Variants in AHCTF1 observed in about 807,000 individuals in gnomAD.
AHCTF1 encodes protein ELYS.
A neutral mutation model predicts 248.4 loss-of-function variants in AHCTF1; 24 were observed. The observed-to-expected ratio is 0.10, with a 90% confidence interval of 0.07 to 0.14. The LOEUF is 0.14. Ranked by LOEUF, AHCTF1 falls within the 10% of genes least tolerant of loss-of-function variation. AHCTF1 has a pLI of 1.00. For synonymous variants in AHCTF1, 786 were observed against 929.8 expected, an observed-to-expected ratio of 0.85 and a Z score of 2.81; for missense variants, 2,206 against 2,636.2, an observed-to-expected ratio of 0.84 and a Z score of 3.57.
At chr1:246,871,700 C>T (rs547484959) in intron 24 of AHCTF1, among the ~76,000 whole-genome samples, 1 of 152,200 alleles carries the variant, frequency 6.6e-6, no homozygotes, top group South Asian at 2.1e-4. Flanking sequence ...TAATCCATGC[C>T]TACAGTGCAT....
At position 246,853,289 on chromosome 1, in the gene AHCTF1, A is replaced by G. The variant is rs1558214581; in HGVS notation, c.4365T>C (p.Asp1455=). 3 of 1,611,096 alleles carry G rather than the reference A, an allele frequency of 1.9e-6. No individual in the cohort carries two copies. The highest frequency in any genetic ancestry group is 2.5e-6 in the Non-Finnish European group (3 of 1,178,868). Residue 1455 remains aspartate, a synonymous_variant, in exon 32 of 36, where the codon GAT becomes GAC. Transcript: ENST00000648844. Reference sequence around the variant, plus strand: ...AGGAGTTTCCACCATCACCAAGGACATCAGCCATAGCTGAAAGAAAAATGA... The same window carrying G: ...AGGAGTTTCCACCATCACCAAGGACGTCAGCCATAGCTGAAAGAAAAATGA... ...IRANDNKSMA[D]VLGDGGNSSL... is the part of the protein sequence containing the mutation.
intron 26 of AHCTF1, chr1:246,865,400 T>C (rs1242102016): frequency 6.6e-6 from 1 of 152,234 alleles, no homozygotes; most frequent in African/African-American, 2.4e-5. Context: ...TGGGGAAATA[T>C]TTCAATGTCT....
chr1:246,893,339 T>C (rs1400456801), intron 14 of AHCTF1, among the ~76,000 whole-genome samples: 3 of 152,114 alleles, frequency 2.0e-5, no homozygotes, highest in South Asian at 2.1e-4. Flanking sequence ...ACGAACTTGA[T>C]TGGTTTAAAA....
At chr1:246,926,043 C>CT (rs907951142) in intron 1 of AHCTF1, among the ~76,000 whole-genome samples, 1 of 101,920 alleles carries the variant, frequency 9.8e-6, no homozygotes, top group African/African-American at 3.6e-5. Context: ...GAGACCCTGT[C>CT]TTTAAAAAAA....
In AHCTF1 at chr1:246,895,741, T is replaced by C. The variant is rs1664528007; in HGVS notation, c.1714+94A>G. The C allele has an allele frequency of 1.7e-5, 18 of 1,045,286 alleles. No homozygotes were observed. In the South Asian group the frequency reaches 1.9e-4, roughly 11 times the overall value. 64.8% of individuals were successfully genotyped at this position (1,045,286 alleles called of 1,614,324 possible). A position where few individuals can be genotyped will look rare whatever the true frequency, so the allele number is the denominator to read the frequency against. On this transcript the variant is annotated intron_variant, in intron 13 of 35. Coordinates refer to ENST00000648844, the MANE Select transcript of AHCTF1 (RefSeq NM_001323342.2). ...ACAACTGCATGTGGATCTTCAATTATATCAAAATTAAAATAACTAAGAAAA... is the reference window on the plus strand; with the variant it reads ...ACAACTGCATGTGGATCTTCAATTACATCAAAATTAAAATAACTAAGAAAA...
rs765078510 is a variant in AHCTF1 at position 246,862,129 on chromosome 1, C to T, written c.3565G>A (p.Val1189Ile). Residue 1189 changes from valine to isoleucine, a missense_variant, in exon 28 of 36, where the codon GTT (valine) becomes ATT (isoleucine). By Grantham distance (29) the Val-to-Ile change is conservative. Transcript: ENST00000648844. ...AACTCAGAAAATCCAGAAGTAGTAACTGACATGGCCAAACTTTTAGCTTTC... is the reference window on the plus strand; with the variant it reads ...AACTCAGAAAATCCAGAAGTAGTAATTGACATGGCCAAACTTTTAGCTTTC... ...VKKAKSLAMS[V>I]TTSGFSEFTP... is the part of the protein sequence containing the mutation. 3.7e-6 allele frequency: 6 copies of T among 1,606,716 alleles called. No individual in the cohort carries two copies. The highest frequency in any genetic ancestry group is 5.1e-6 in the Non-Finnish European group (6 of 1,177,840).
intron 14 of AHCTF1, 93 bp from the exon 15 acceptor site, chr1:246,892,012 AAAG>A: frequency 1.5e-6 from 2 of 1,296,978 alleles, no homozygotes; most frequent in South Asian, 2.8e-5. Flanking sequence ...CTATCACTCA[AAAG>A]AATTATTCTA....
chr1:246,856,879 G>A (rs900282244), intron 30 of AHCTF1, among the ~76,000 whole-genome samples: 1 of 152,112 alleles, frequency 6.6e-6, no homozygotes, highest in Non-Finnish European at 1.5e-5. Context: ...ATAAAGTAAC[G>A]AACCATTTAT....
Position 246,864,057 on chromosome 1 carries a change from T to C in AHCTF1, c.3407A>G (p.Gln1136Arg). 1.9e-6 allele frequency: 3 copies of C among 1,614,168 alleles called. No individual in the cohort carries two copies. The highest frequency in any genetic ancestry group is 2.5e-6 in the Non-Finnish European group (3 of 1,180,000). ...CAAAGGAGATTTCATGGAGCTTTGC[T>C]GAATAAACTCCGAACACTGAGAAGG... ...PRPSQCSEFI[Q>R]QSSMKSPLYL... Residue 1136 changes from glutamine to arginine, a missense_variant, in exon 27 of 36, where the codon CAG becomes CGG. By Grantham distance (43) the Gln-to-Arg change is conservative. This residue lies in a region of AHCTF1 where 955 missense variants were observed against 1,055.6 expected (regional missense o/e 0.90). Coordinates refer to ENST00000648844, the MANE Select transcript of AHCTF1 (RefSeq NM_001323342.2).
At chr1:246,846,723 T>A (rs1482263934) in intron 33 of AHCTF1, among the ~76,000 whole-genome samples, 1 of 151,698 alleles carries the variant, frequency 6.6e-6, no homozygotes, top group Non-Finnish European at 1.5e-5. Flanking sequence ...GATTTTGAAA[T>A]ATATATACAT....
intron 12 of AHCTF1, among the ~76,000 whole-genome samples, chr1:246,897,420 G>T (rs910017081): frequency 6.6e-6 from 1 of 152,188 alleles, no homozygotes; most frequent in Non-Finnish European, 1.5e-5. Context: ...ATACAAAAAT[G>T]AATTGCATTT....
At chr1:246,851,788 C>T (rs1187327945) in intron 32 of AHCTF1, 7 of 190,990 alleles carry the variant, frequency 3.7e-5, no homozygotes, top group Admixed American at 2.2e-4. Context: ...AAAAATTAAC[C>T]GGAAAAAACA....
chr1:246,931,057 T>TG, intron 1 of AHCTF1: 1 of 1,527,478 alleles, frequency 6.5e-7, no homozygotes, highest in Non-Finnish European at 8.8e-7. Flanking sequence ...CTCCTTGATC[T>TG]GACCAATCGG....
rs778413892 is a variant in AHCTF1, at chr1:246,887,271, A to G, written c.2412T>C (p.Ile804=). Residue 804 remains isoleucine, a synonymous_variant, in exon 20 of 36, where the codon ATT becomes ATC. Coordinates refer to ENST00000648844, the MANE Select transcript of AHCTF1 (RefSeq NM_001323342.2). ...GAATAAGTTTAACTTGGCCCCAAGA[A>G]ATGGCAAATACAGTTGGGAAAGATT... is the stretch of plus-strand genomic sequence containing the variant. ...PIESFPTVFA[I]SWGQVKLIQG... The G allele has an allele frequency of 6.2e-7, 1 of 1,613,632 alleles. No homozygotes were observed. The highest frequency in any genetic ancestry group is 8.5e-7 in the Non-Finnish European group (1 of 1,179,770).
Position 246,911,632 on chromosome 1 carries a change from C to G in AHCTF1, c.556+1600G>C, listed in dbSNP as rs546006224. ...CTGAGTAGCTGGGATTAGAGGCATG[C>G]GCCACCACACCTGGCTAATTTTATA... is the stretch of plus-strand genomic sequence containing the variant. On this transcript the variant is annotated intron_variant, in intron 4 of 35. Coordinates refer to ENST00000648844, the MANE Select transcript of AHCTF1 (RefSeq NM_001323342.2). 1.3e-4 allele frequency among the ~76,000 whole-genome samples: 19 copies of G among 151,768 alleles called. No individual in the cohort carries two copies. In the South Asian group the frequency reaches 4.0e-3, roughly 32 times the overall value.
At chr1:246,880,518 C>T (rs1389510433) in intron 21 of AHCTF1, among the ~76,000 whole-genome samples, 3 of 148,446 alleles carry the variant, frequency 2.0e-5, no homozygotes, top group Admixed American at 6.7e-5. Flanking sequence ...GAGCCGAGAT[C>T]GCGCCACTGC....
intron 4 of AHCTF1, among the ~76,000 whole-genome samples, chr1:246,909,192 A>C (rs1236278502): frequency 6.7e-6 from 1 of 149,006 alleles, no homozygotes; most frequent in Non-Finnish European, 1.5e-5. Context: ...CAGGCAGATC[A>C]TGAAGTCAGG....
At chr1:246,898,447 A>T (rs1184093928) in intron 11 of AHCTF1, 111 bp from the exon 12 acceptor site, 22 of 1,155,662 alleles carry the variant, frequency 1.9e-5, no homozygotes, top group Non-Finnish European at 2.5e-5. Context: ...TAGCAAGTGG[A>T]AATTATGAAA....
In AHCTF1 at chr1:246,839,249, T is replaced by C. The variant is rs886401809; in HGVS notation, c.*1557A>G. 2 of 152,292 alleles carry C rather than the reference T, an allele frequency of 1.3e-5. No individual in the cohort carries two copies. The allele number at this position is 152,292 out of a possible 1,614,324, so 9.4% of individuals were successfully genotyped here. A position where few individuals can be genotyped will look rare whatever the true frequency, so the allele number is the denominator to read the frequency against. On this transcript the variant is annotated 3_prime_UTR_variant, in exon 36 of 36. Coordinates refer to ENST00000648844, the MANE Select transcript of AHCTF1 (RefSeq NM_001323342.2). ...GGAGGGGGGAAAAAAAGTACACTTA[T>C]TAAAAACAGGTACCACACATCTATA...
Sources: allele counts gnomAD v4.1 joint callset (sites outside exome capture counted in the v4.1 genomes callset), GRCh38; gene constraint gnomAD v4.1.1; regional missense constraint gnomAD v4.1.1; transcripts MANE v1.5; gene names NCBI Gene and HGNC (gene_info 2026-07-23, HGNC 2026-07-21).